ATP2B2: variants seen among roughly 807,000 people sequenced by gnomAD.
ATP2B2 encodes ATPase plasma membrane Ca2+ transporting 2.
In ATP2B2, 15 loss-of-function variants were observed where a neutral mutation model predicts 120.0. The ratio of observed to expected loss-of-function variants is 0.12; its 90% CI spans 0.08 to 0.19. The LOEUF (loss-of-function observed/expected upper bound fraction) is 0.19, where lower values mean the gene tolerates loss of function less well. Ranked by LOEUF, ATP2B2 falls within the 10% of genes least tolerant of loss-of-function variation. The pLI is 1.00. For synonymous variants in ATP2B2, 694 were observed against 700.3 expected (o/e 0.99, Z 0.14); for missense variants, 1,045 against 1,719.8 (o/e 0.61, Z 6.94).
intron 2 of ATP2B2, among the ~76,000 whole-genome samples, chr3:10,618,628 G>A (rs2069461486): frequency 6.6e-6 from 1 of 152,090 alleles, no homozygotes; most frequent in Admixed American, 6.5e-5. Flanking sequence ...ATCACCTTTT[G>A]CTTTTCCACC....
intron 1 of ATP2B2, among the ~76,000 whole-genome samples, chr3:10,704,989 C>G (rs569692858): frequency 3.9e-5 from 6 of 152,300 alleles, no homozygotes; most frequent in African/African-American, 1.4e-4. Flanking sequence ...TAATATTTCT[C>G]TTGCTGGCAA....
chr3:10,379,219 C>A, intron 9 of ATP2B2, 24 bp downstream of exon 9: 1 of 1,612,772 alleles, frequency 6.2e-7, no homozygotes, highest in Non-Finnish European at 8.5e-7. Flanking sequence ...GGACGACAAA[C>A]GCCGGTTAAA....
At chr3:10,648,196 C>T (rs927387978) in intron 1 of ATP2B2, among the ~76,000 whole-genome samples, 11 of 152,210 alleles carry the variant, frequency 7.2e-5, no homozygotes, top group Admixed American at 5.2e-4. Context: ...CCCACACATC[C>T]GATGGCAGTG....
At chr3:10,509,232 C>T (rs187615829), upstream of ATP2B2, among the ~76,000 whole-genome samples, 15 of 152,198 alleles carry the variant, frequency 9.9e-5, no homozygotes, top group African/African-American at 1.2e-4. Flanking sequence ...GCTGTGTCTT[C>T]GGTATGAGAC....
rs1277279094 is a variant in ATP2B2, at chr3:10,488,234, TATCCATCC to T, written c.-320+17223_-320+17230del. Among the ~76,000 whole-genome samples, 84 of 107,524 alleles carry T rather than the reference TATCCATCC, an allele frequency of 7.8e-4. 2 individuals carry two copies. Among genetic ancestry groups the T allele is most frequent in the African/African-American group, 2.7e-3 (70 of 26,004 alleles). 70.5% of individuals were successfully genotyped at this position (107,524 alleles called of 152,430 possible). A position where few individuals can be genotyped will look rare whatever the true frequency, so the allele number is the denominator to read the frequency against. Reference sequence around the variant, plus strand: ...CCATCCATCCATCCACTCATCCACCTATCCATCCATCCATCCATCCATCCATCCATCCA... The same window carrying T: ...CCATCCATCCATCCACTCATCCACCTATCCATCCATCCATCCATCCATCCA... On this transcript the variant is annotated intron_variant, in intron 1 of 22. Coordinates refer to ENST00000360273, the MANE Select transcript of ATP2B2 (RefSeq NM_001001331.4).
chr3:10,492,713 C>T (rs56341937), intron 1 of ATP2B2, among the ~76,000 whole-genome samples: 3 of 152,316 alleles, frequency 2.0e-5, no homozygotes, highest in African/African-American at 7.2e-5. Context: ...TCCAGAGAGA[C>T]TCAGGAAAGG....
chr3:10,579,392 G>A (rs2125558120), intron 2 of ATP2B2, among the ~76,000 whole-genome samples: 1 of 152,338 alleles, frequency 6.6e-6, no homozygotes, highest in East Asian at 1.9e-4. Context: ...ACTGAGAAGG[G>A]CCCAGTGCGG....
chr3:10,336,393 C>T, intron 22 of ATP2B2: 1 of 1,253,714 alleles, frequency 8.0e-7, no homozygotes, highest in Non-Finnish European at 1.1e-6. Flanking sequence ...CAGCCGCAGC[C>T]ACGGCAACAA....
At position 10,328,737 on chromosome 3, in the gene ATP2B2, C is replaced by A; in HGVS notation, c.*77G>T. 2.7e-6 allele frequency: 4 copies of A among 1,456,752 alleles called. No homozygotes were observed. The highest frequency in any genetic ancestry group is 1.3e-5 in the South Asian group (1 of 74,776). The allele number at this position is 1,456,752 out of a possible 1,614,324, so 90.2% of individuals were successfully genotyped here. On this transcript the variant is annotated 3_prime_UTR_variant, in exon 23 of 23. Coordinates refer to ENST00000360273, the MANE Select transcript of ATP2B2 (RefSeq NM_001001331.4). Reference sequence around the variant, plus strand: ...CGTTGCTGCTTGGGTGAGTTGGGTGCCTGGATGGATGGGTGCCCGGAAAGC... The same window carrying A: ...CGTTGCTGCTTGGGTGAGTTGGGTGACTGGATGGATGGGTGCCCGGAAAGC...
intron 5 of ATP2B2, among the ~76,000 whole-genome samples, chr3:10,397,919 A>G (rs932371593): frequency 6.6e-6 from 1 of 152,150 alleles, no homozygotes; most frequent in African/African-American, 2.4e-5. Flanking sequence ...ACTGCTTTCT[A>G]TGGAGCCAGC....
At chr3:10,626,193 G>A (rs1377617624) in intron 1 of ATP2B2, 2 of 152,278 alleles carry the variant, frequency 1.3e-5, no homozygotes, top group African/African-American at 2.4e-5. Context: ...TGGGTACACT[G>A]AGTCCCAGAA....
rs1159147644 is a variant in ATP2B2, at chr3:10,326,693, G to C, written c.*2121C>G. On this transcript the variant is annotated 3_prime_UTR_variant, in exon 23 of 23. Coordinates refer to ENST00000360273, the MANE Select transcript of ATP2B2 (RefSeq NM_001001331.4). ...CTTTGGTTATGCAGTTCCTCTCCTG[G>C]ATACATTCAGAGATACTTCTTCACG... 2 of 398,926 alleles carry C rather than the reference G, an allele frequency of 5.0e-6. No individual in the cohort carries two copies. The highest frequency in any genetic ancestry group is 4.1e-5 in the African/African-American group (2 of 48,618). The allele number at this position is 398,926 out of a possible 1,614,324, so 24.7% of individuals were successfully genotyped here. A position where few individuals can be genotyped will look rare whatever the true frequency, so the allele number is the denominator to read the frequency against.
chr3:10,603,123 T>G (rs1448909037), intron 2 of ATP2B2, among the ~76,000 whole-genome samples: 1 of 152,252 alleles, frequency 6.6e-6, no homozygotes, highest in African/African-American at 2.4e-5. Context: ...CATCCAGCCC[T>G]GGTGACCCCG....
At chr3:10,510,159 C>T (rs1223117844), upstream of ATP2B2, among the ~76,000 whole-genome samples, 2 of 152,196 alleles carry the variant, frequency 1.3e-5, no homozygotes, top group African/African-American at 4.8e-5. Context: ...GTCACCAATT[C>T]TCCCCTCCTC....
intron 1 of ATP2B2, among the ~76,000 whole-genome samples, chr3:10,640,044 T>G (rs1220300331): frequency 1.3e-5 from 2 of 152,090 alleles, no homozygotes; most frequent in African/African-American, 4.8e-5. Flanking sequence ...CAGGAGACCT[T>G]TTAGGCTCAG....
chr3:10,486,494 C>T lies in ATP2B2; in HGVS notation c.-320+18971G>A, dbSNP rs115367728. Among the ~76,000 whole-genome samples, 514 of 152,170 alleles carry T rather than the reference C, an allele frequency of 3.4e-3. 2 individuals carry two copies. Among genetic ancestry groups the T allele is most frequent in the African/African-American group, 0.012 (495 of 41,494 alleles). ...ACCTCTCTCCCCTTCACACATTTTG[C>T]TGCAGTCACAACAGCTGGAGTCTTT... On this transcript the variant is annotated intron_variant, in intron 1 of 22. Coordinates refer to ENST00000360273, the MANE Select transcript of ATP2B2 (RefSeq NM_001001331.4).
intron 2 of ATP2B2, among the ~76,000 whole-genome samples, chr3:10,596,678 T>C (rs1244764234): frequency 1.3e-5 from 2 of 152,196 alleles, no homozygotes; most frequent in African/African-American, 4.8e-5. Flanking sequence ...TGGCGTTTGC[T>C]CCTCCCTGGC....
At position 10,367,995 on chromosome 3, in the gene ATP2B2, T is replaced by C. The variant is rs561584315; in HGVS notation, c.1659+3814A>G. 2.8e-4 allele frequency among the ~76,000 whole-genome samples: 43 copies of C among 152,328 alleles called. No homozygotes were observed. In the South Asian group the frequency reaches 3.1e-3, roughly 11 times the overall value. On this transcript the variant is annotated intron_variant, in intron 12 of 22. Transcript: ENST00000360273. ...GATATGAACCTGGTCTGTCGGACTT[T>C]AGAGCCAAACCTCTTAACCATTGCT...
At chr3:10,460,487 T>A (rs928765505) in intron 1 of ATP2B2, among the ~76,000 whole-genome samples, 2 of 152,012 alleles carry the variant, frequency 1.3e-5, no homozygotes, top group East Asian at 1.9e-4. Flanking sequence ...AAGAGTGGGG[T>A]TGGGAAAGCC....
Sources: allele counts gnomAD v4.1 joint callset (sites outside exome capture counted in the v4.1 genomes callset), GRCh38; gene constraint gnomAD v4.1.1; transcripts MANE v1.5; gene names NCBI Gene and HGNC (gene_info 2026-07-23, HGNC 2026-07-21).